The following FAM118B variants were observed in gnomAD, a reference collection of about 807,000 sequenced individuals.
FAM118B encodes SIR2 antiphage like 1.
A neutral mutation model predicts 38.5 loss-of-function variants in FAM118B; 24 were observed. The observed-to-expected ratio is 0.62, with a 90% CI of 0.45 to 0.88. The LOEUF (loss-of-function observed/expected upper bound fraction) is 0.88, where lower values mean the gene tolerates loss of function less well. Among genes scored for constraint, FAM118B ranks in the 40% least tolerant of loss-of-function variants. The pLI is 0.00. For missense variants in FAM118B, 334 were observed against 420.0 expected, an observed-to-expected ratio of 0.80 and a Z score of 1.79; for synonymous variants, 138 against 156.3, an observed-to-expected ratio of 0.88 and a Z score of 0.87.
At chr11:126,239,194 C>T (rs1261877898) in intron 3 of FAM118B, among the ~76,000 whole-genome samples, 1 of 151,984 alleles carries the variant, frequency 6.6e-6, no homozygotes, top group Non-Finnish European at 1.5e-5. Context: ...AGGCTTGTCT[C>T]AAACTCCTGG....
At chr11:126,248,480 C>T (rs889662469) in intron 4 of FAM118B, among the ~76,000 whole-genome samples, 1 of 141,322 alleles carries the variant, frequency 7.1e-6, no homozygotes, top group Non-Finnish European at 1.5e-5. Context: ...AAGCGATTCT[C>T]CTGCCTCAGC....
intron 7 of FAM118B, among the ~76,000 whole-genome samples, chr11:126,257,764 T>C (rs746728900): frequency 6.6e-6 from 1 of 152,304 alleles, no homozygotes; most frequent in Non-Finnish European, 1.5e-5. Flanking sequence ...AACTTACTTT[T>C]AGAAATGCTA....
At position 126,214,503 on chromosome 11, in the gene FAM118B, G is replaced by GTTTTTTTTTTTTTT. The variant is rs769565375; in HGVS notation, c.-77+2683_-77+2684insTTTTTTTTTTTTTT. 2.4e-3 allele frequency: 67 copies of GTTTTTTTTTTTTTT among 28,244 alleles called. 1 individual carries two copies. The highest frequency in any genetic ancestry group is 2.7e-3 in the Non-Finnish European group (36 of 13,344). 1.7% of individuals were successfully genotyped at this position (28,244 alleles called of 1,614,324 possible). ...TCTTTTGTTTCTGTTTTTTTTTTTT[G>GTTTTTTTTTTTTTT]TTTTTTTTTTGTTTTTTTTTTTTTA... On this transcript the variant is annotated intron_variant, in intron 1 of 8. Coordinates refer to ENST00000533050, the MANE Select transcript of FAM118B (RefSeq NM_024556.4).
At chr11:126,242,355 C>T (rs1950370550) in intron 4 of FAM118B, among the ~76,000 whole-genome samples, 1 of 151,848 alleles carries the variant, frequency 6.6e-6, no homozygotes, top group African/African-American at 2.4e-5. Context: ...TTTGGGAGGC[C>T]AAGGCAGGAG....
intron 2 of FAM118B, among the ~76,000 whole-genome samples, chr11:126,234,491 G>A (rs111704102): frequency 9.9e-5 from 15 of 152,184 alleles, no homozygotes; most frequent in African/African-American, 2.7e-4. Context: ...GGTCACCATC[G>A]TCCAACAACA....
At chr11:126,217,589 G>T (rs541652968) in intron 1 of FAM118B, among the ~76,000 whole-genome samples, 5 of 152,150 alleles carry the variant, frequency 3.3e-5, no homozygotes, top group Non-Finnish European at 7.4e-5. Context: ...CATTTTCTGT[G>T]AGCTCAAATG....
chr11:126,220,530 A>G (rs1319987650), intron 1 of FAM118B, among the ~76,000 whole-genome samples: 1 of 152,100 alleles, frequency 6.6e-6, no homozygotes, highest in Non-Finnish European at 1.5e-5. Context: ...CCTGGTCAAC[A>G]TAGCAAGAGC....
intron 1 of FAM118B, among the ~76,000 whole-genome samples, chr11:126,227,679 A>C (rs1248409911): frequency 6.6e-6 from 1 of 152,290 alleles, no homozygotes; most frequent in South Asian, 2.1e-4. Flanking sequence ...TTTGGATTCC[A>C]TGCTCACAAT....
At position 126,256,419 on chromosome 11, in the gene FAM118B, G is replaced by T. The variant is rs1950579698; in HGVS notation, c.697-148G>T. 4 of 647,396 alleles carry T rather than the reference G, an allele frequency of 6.2e-6. No homozygotes were observed. The South Asian group carries it at 7.9e-5, about 13-fold the overall frequency. 40.1% of individuals were successfully genotyped at this position (647,396 alleles called of 1,614,324 possible). ...CATCAAGTTACAGCAATAAGCAAGA[G>T]ATCACACTCCTTGATGGGACATACC... On this transcript the variant is annotated intron_variant, in intron 6 of 8. Transcript: ENST00000533050. This position sits in a 1 kb window ranked among gnomAD's most constrained non-coding sequence, Gnocchi z 6.6.
intron 4 of FAM118B, among the ~76,000 whole-genome samples, chr11:126,241,755 G>A (rs1167972777): frequency 6.6e-6 from 1 of 152,008 alleles, no homozygotes; most frequent in African/African-American, 2.4e-5. Context: ...TTGCCATGTT[G>A]GTCAAGCTGG....
Position 126,256,953 on chromosome 11 carries a change from A to G in FAM118B, c.982+101A>G, listed in dbSNP as rs1185153632. 3 of 1,254,332 alleles carry G rather than the reference A, an allele frequency of 2.4e-6. No individual in the cohort carries two copies. Among genetic ancestry groups the G allele is most frequent in the Non-Finnish European group, 3.3e-6 (3 of 902,354 alleles). 77.7% of individuals were successfully genotyped at this position (1,254,332 alleles called of 1,614,324 possible). On this transcript the variant is annotated intron_variant, in intron 7 of 8. Coordinates refer to ENST00000533050, the MANE Select transcript of FAM118B (RefSeq NM_024556.4). The surrounding 1 kb of genome is among the most constrained non-coding windows in gnomAD (Gnocchi z 6.6). ...GGCAAAATAGTTGCCAAGATGAGGAATGTAATGACTGACCAAATTGTAAAG... is the reference window on the plus strand; with the variant it reads ...GGCAAAATAGTTGCCAAGATGAGGAGTGTAATGACTGACCAAATTGTAAAG...
At chr11:126,227,465 A>G (rs530618190) in intron 1 of FAM118B, among the ~76,000 whole-genome samples, 1 of 152,168 alleles carries the variant, frequency 6.6e-6, no homozygotes, top group Non-Finnish European at 1.5e-5. Flanking sequence ...TTAATCCATT[A>G]TATCTGTCTA....
At chr11:126,234,900 G>A in intron 2 of FAM118B, 95 bp from the exon 3 acceptor site, 3 of 933,790 alleles carry the variant, frequency 3.2e-6, no homozygotes, top group Non-Finnish European at 4.9e-6. Flanking sequence ...ACCTTTAAGG[G>A]TATACAGCTT....
chr11:126,262,330 TGTTCAA>T lies in FAM118B; in HGVS notation c.*205_*210del, dbSNP rs577867075. 3.2e-4 allele frequency: 190 copies of T among 586,668 alleles called. No individual in the cohort carries two copies. Among genetic ancestry groups the T allele is most frequent in the African/African-American group, 2.1e-3 (112 of 52,944 alleles). The allele number at this position is 586,668 out of a possible 1,614,324, so 36.3% of individuals were successfully genotyped here. ...ACCTGGTTCTTGATATTCTGCCGCC[TGTTCAA>T]GTTCAAGAATAAAAGCGACAGCAGG... On this transcript the variant is annotated 3_prime_UTR_variant, in exon 9 of 9. Transcript: ENST00000533050.
intron 4 of FAM118B, among the ~76,000 whole-genome samples, chr11:126,242,232 TA>T (rs945644059): frequency 6.0e-5 from 9 of 150,728 alleles, no homozygotes; most frequent in African/African-American, 1.5e-4. Flanking sequence ...AAAACTAAAG[TA>T]AAAAAAAATA....
intron 1 of FAM118B, among the ~76,000 whole-genome samples, chr11:126,215,136 C>T (rs599647): frequency 0.73 from 110,621 of 152,094 alleles, 41,293 homozygotes; most frequent in East Asian, 1. Flanking sequence ...TCAGCCGCTG[C>T]GTACTTGAAC....
chr11:126,256,801 C>A lies in FAM118B; in HGVS notation c.931C>A (p.Pro311Thr), dbSNP rs752667735. Residue 311 changes from proline (P) to threonine (T), a missense_variant, in exon 7 of 9, where the codon CCA (proline) becomes ACA (threonine). Pro to Thr is a conservative substitution (Grantham distance 38). This residue lies in a region of FAM118B where 88 missense variants were observed against 98.1 expected (regional missense o/e 0.90). Coordinates refer to ENST00000533050, the MANE Select transcript of FAM118B (RefSeq NM_024556.4). This position sits in a 1 kb window ranked among gnomAD's most constrained non-coding sequence, Gnocchi z 6.6. ...CTATGGAGATGACTATGCCGATCTT[C>A]CAGAATATTTCAAGCGACTGACATG... ...ISYGDDYADL[P>T]EYFKRLTCEI... is the part of the protein sequence containing the mutation. The A allele has an allele frequency of 1.2e-6, 2 of 1,613,770 alleles. No individual in the cohort carries two copies. Among genetic ancestry groups the A allele is most frequent in the South Asian group, 1.1e-5 (1 of 91,062 alleles).
At chr11:126,260,592 C>G (rs1410988800) in intron 7 of FAM118B, 1 of 152,074 alleles carries the variant, frequency 6.6e-6, no homozygotes, top group East Asian at 1.9e-4. Flanking sequence ...AAAATAACAT[C>G]TGTATCTCTT....
chr11:126,215,587 C>T (rs1174725587), intron 1 of FAM118B, among the ~76,000 whole-genome samples: 1 of 151,540 alleles, frequency 6.6e-6, no homozygotes, highest in Non-Finnish European at 1.5e-5. Context: ...GTCCCAGCTA[C>T]TCGGGAGGCT....
Sources: gnomAD v4.1 joint callset for allele counts (sites outside exome capture counted in the v4.1 genomes callset) on GRCh38, gnomAD v4.1.1 for gene constraint, gnomAD v4.1.1 regional missense constraint, Gnocchi (gnomAD v3.1) non-coding constraint, MANE v1.5 for transcripts, NCBI Gene and HGNC (gene_info 2026-07-23, HGNC 2026-07-21) for gene names.